MECOM: variants seen among roughly 807,000 people sequenced by gnomAD.
MECOM encodes the protein MDS1 and EVI1 complex locus.
MECOM carries 13 observed loss-of-function variants against 116.3 expected under a neutral mutation model. The ratio of observed to expected loss-of-function variants is 0.11; its 90% CI spans 0.07 to 0.18. The LOEUF is 0.18. Among genes scored for constraint, MECOM ranks in the 10% least tolerant of loss-of-function variants. The pLI, the probability that MECOM is intolerant of heterozygous loss-of-function variation, is 1.00. For missense variants in MECOM, 1,299 were observed against 1,509.0 expected (o/e 0.86, Z 2.31); for synonymous variants, 528 against 535.2 (o/e 0.99, Z 0.19).
intron 11 of MECOM, 35 bp from the exon 12 acceptor site, chr3:169,100,997 C>A: frequency 1.3e-6 from 2 of 1,510,382 alleles, no homozygotes; most frequent in Non-Finnish European, 1.8e-6. Flanking sequence ...AGAAAGTCAG[C>A]ACAGTTGACT....
At chr3:169,378,442 A>C (rs867560627) in intron 2 of MECOM, among the ~76,000 whole-genome samples, 1 of 85,216 alleles carries the variant, frequency 1.2e-5, no homozygotes, top group Non-Finnish European at 2.1e-5. Context: ...AGAAAGAAAG[A>C]AAGAAAGAAG....
In MECOM at chr3:169,530,468, G is replaced by T. The variant is rs533307310; in HGVS notation, c.37+132868C>A. On this transcript the variant is annotated intron_variant, in intron 1 of 16. Transcript: ENST00000651503. Reference sequence around the variant, plus strand: ...GGTGAGAGGTGAACTGACAGAGCTGGTCAACCAGGTCCAAGAGGAATTATG... The same window carrying T: ...GGTGAGAGGTGAACTGACAGAGCTGTTCAACCAGGTCCAAGAGGAATTATG... Among the ~76,000 whole-genome samples, 3 of 152,258 alleles carry T rather than the reference G, an allele frequency of 2.0e-5. No individual in the cohort carries two copies. The East Asian group carries it at 5.8e-4, about 29-fold the overall frequency.
intron 2 of MECOM, among the ~76,000 whole-genome samples, chr3:169,194,841 C>T (rs1194350103): frequency 5.9e-5 from 9 of 152,056 alleles, no homozygotes; most frequent in Admixed American, 5.9e-4. Flanking sequence ...CCATTAAAAA[C>T]ATACATAATT....
intron 1 of MECOM, among the ~76,000 whole-genome samples, chr3:169,560,900 G>C (rs1209901641): frequency 6.6e-6 from 1 of 151,802 alleles, no homozygotes; most frequent in East Asian, 1.9e-4. Context: ...TCTGAGGTGG[G>C]TATTTTTATA....
intron 1 of MECOM, among the ~76,000 whole-genome samples, chr3:169,546,701 C>A (rs560523090): frequency 6.6e-6 from 1 of 152,142 alleles, no homozygotes; most frequent in African/African-American, 2.4e-5. Flanking sequence ...TCTACTTCCC[C>A]ATCTCTAAAG....
chr3:169,531,490 A>G (rs1758620247), intron 1 of MECOM, among the ~76,000 whole-genome samples: 1 of 152,214 alleles, frequency 6.6e-6, no homozygotes, highest in African/African-American at 2.4e-5. Flanking sequence ...CTCATCAGAG[A>G]GGCAAGACAT....
chr3:169,594,381 A>G (rs1483048698), intron 1 of MECOM, among the ~76,000 whole-genome samples: 3 of 152,152 alleles, frequency 2.0e-5, no homozygotes, highest in Non-Finnish European at 2.9e-5. Flanking sequence ...TTGTCCCTAA[A>G]GCAGTGGCCC....
intron 2 of MECOM, among the ~76,000 whole-genome samples, chr3:169,371,240 A>G (rs184142784): frequency 1.3e-5 from 2 of 152,002 alleles, no homozygotes; most frequent in Non-Finnish European, 2.9e-5. Context: ...ATATTATGCT[A>G]AGTGAAATAA....
chr3:169,406,960 A>T (rs769255879), intron 1 of MECOM, among the ~76,000 whole-genome samples: 1 of 151,450 alleles, frequency 6.6e-6, no homozygotes, highest in Admixed American at 6.6e-5. Context: ...TCTCTGCCTC[A>T]GTCTCCCAAG....
intron 2 of MECOM, among the ~76,000 whole-genome samples, chr3:169,322,986 C>A (rs1296936405): frequency 1.0e-5 from 1 of 99,768 alleles, no homozygotes; most frequent in African/African-American, 4.0e-5. Context: ...CATGACAGAG[C>A]AAGACTCCGG....
intron 2 of MECOM, among the ~76,000 whole-genome samples, chr3:169,297,508 G>T (rs879629572): frequency 7.1e-6 from 1 of 141,356 alleles, no homozygotes; most frequent in Non-Finnish European, 1.5e-5. Context: ...AGGTTGTTTT[G>T]CCTGGGTTTG....
At chr3:169,610,505 G>GTC (rs1054586286) in intron 1 of MECOM, among the ~76,000 whole-genome samples, 2 of 118,670 alleles carry the variant, frequency 1.7e-5, no homozygotes, top group African/African-American at 6.3e-5. Flanking sequence ...TTACGTGTGT[G>GTC]TGTGTGTGTG....
chr3:169,167,042 A>G (rs929539663), intron 2 of MECOM, among the ~76,000 whole-genome samples: 3 of 152,148 alleles, frequency 2.0e-5, no homozygotes, highest in Non-Finnish European at 4.4e-5. Flanking sequence ...TGGTACAATC[A>G]TGGCATACTG....
chr3:169,530,294 G>C (rs1372864418), intron 1 of MECOM, among the ~76,000 whole-genome samples: 5 of 152,136 alleles, frequency 3.3e-5, no homozygotes, highest in Non-Finnish European at 5.9e-5. Context: ...CTTTCTTTTG[G>C]TCTAACTCAA....
chr3:169,395,353 T>C (rs953974255), intron 1 of MECOM, among the ~76,000 whole-genome samples: 1 of 152,228 alleles, frequency 6.6e-6, no homozygotes, highest in Non-Finnish European at 1.5e-5. Context: ...CTGGTACCTT[T>C]TTCTCCTTCT....
chr3:169,160,570 A>G (rs1267945530), intron 2 of MECOM, among the ~76,000 whole-genome samples: 1 of 148,328 alleles, frequency 6.7e-6, no homozygotes, highest in Non-Finnish European at 1.5e-5. Flanking sequence ...ACAATAATAT[A>G]TTAGTTATTT....
intron 2 of MECOM, among the ~76,000 whole-genome samples, chr3:169,260,090 T>C (rs956548479): frequency 1.3e-5 from 2 of 152,232 alleles, no homozygotes; most frequent in African/African-American, 4.8e-5. Context: ...GGGGGAAATG[T>C]TCATTAATCT....
chr3:169,252,216 T>C (rs902330943), intron 2 of MECOM, among the ~76,000 whole-genome samples: 2 of 152,158 alleles, frequency 1.3e-5, no homozygotes, highest in African/African-American at 4.8e-5. Context: ...TGTAAAGTTA[T>C]TTATTTATAT....
At chr3:169,491,436 T>G (rs146607137) in intron 1 of MECOM, among the ~76,000 whole-genome samples, 2,764 of 151,966 alleles carry the variant, frequency 0.018, 59 homozygotes, top group African/African-American at 0.052. Context: ...ATAAATAAAT[T>G]TTATATACAT....
Sources: gnomAD v4.1 joint callset for allele counts (sites outside exome capture counted in the v4.1 genomes callset) on GRCh38, gnomAD v4.1.1 for gene constraint, MANE v1.5 for transcripts, NCBI Gene and HGNC (gene_info 2026-07-23, HGNC 2026-07-21) for gene names.